DISC1: variants seen among roughly 807,000 people sequenced by gnomAD.
DISC1 encodes disrupted in schizophrenia 1 protein.
DISC1 carries 57 observed loss-of-function variants against 84.5 expected under a neutral mutation model. The observed-to-expected ratio is 0.67, with a 90% CI of 0.55 to 0.84. The LOEUF (loss-of-function observed/expected upper bound fraction) is 0.84, where lower values mean the gene tolerates loss of function less well. Among genes scored for constraint, DISC1 ranks in the 40% least tolerant of loss-of-function variants. DISC1 has a pLI of 0.00. For synonymous variants in DISC1, 411 were observed against 415.2 expected, an observed-to-expected ratio of 0.99 and a Z score of 0.12; for missense variants, 1,000 against 1,057.8, an observed-to-expected ratio of 0.95 and a Z score of 0.76.
chr1:231,948,853 C>T (rs895193369), intron 9 of DISC1, among the ~76,000 whole-genome samples: 1 of 148,682 alleles, frequency 6.7e-6, no homozygotes, highest in African/African-American at 2.5e-5. Context: ...TGTATTTTTC[C>T]TGTGTTAATT....
intron 1 of DISC1, among the ~76,000 whole-genome samples, chr1:231,643,069 G>A (rs2059855917): frequency 6.6e-6 from 1 of 152,158 alleles, no homozygotes; most frequent in African/African-American, 2.4e-5. Flanking sequence ...TTCCACCAAG[G>A]GAGAGCTTCT....
At chr1:231,989,357 G>T (rs1664878507) in intron 10 of DISC1, among the ~76,000 whole-genome samples, 1 of 152,176 alleles carries the variant, frequency 6.6e-6, no homozygotes, top group Non-Finnish European at 1.5e-5. Context: ...TTTGGTGATG[G>T]CATAAAGATA....
chr1:231,959,367 T>A lies in DISC1; in HGVS notation c.2042+479T>A, dbSNP rs1015046229. 3 of 985,742 alleles carry A rather than the reference T, an allele frequency of 3.0e-6. No individual in the cohort carries two copies. The African/African-American group carries it at 5.2e-5, about 17-fold the overall frequency. The allele number at this position is 985,742 out of a possible 1,614,324, so 61.1% of individuals were successfully genotyped here. The stretch of plus-strand genomic sequence containing the variant: ...TTTTTAAAACCCAATTAGGAATTCA[T>A]CTTTGAGAAATGTCAGGGATGCTGC... On this transcript the variant is annotated intron_variant, in intron 10 of 12. Coordinates refer to ENST00000439617, the MANE Select transcript of DISC1 (RefSeq NM_018662.3).
chr1:231,892,196 C>T (rs201020220), intron 9 of DISC1, among the ~76,000 whole-genome samples: 41 of 152,222 alleles, frequency 2.7e-4, no homozygotes, highest in Admixed American at 9.8e-4. Context: ...AGGTGGAGGA[C>T]GTGGGTGTCA....
At chr1:231,964,272 C>T (rs1363644564) in intron 10 of DISC1, among the ~76,000 whole-genome samples, 1 of 152,142 alleles carries the variant, frequency 6.6e-6, no homozygotes, top group East Asian at 1.9e-4. Context: ...AATTTGTAAA[C>T]ATCCTAGGCT....
intron 6 of DISC1, among the ~76,000 whole-genome samples, chr1:231,780,097 G>A (rs950985180): frequency 6.6e-6 from 1 of 151,838 alleles, no homozygotes; most frequent in African/African-American, 2.4e-5. Context: ...TGGGCTGGGG[G>A]GAGGGGCGAG....
rs550477769 is a variant in DISC1 at position 231,957,525 on chromosome 1, C to T, written c.1982-1303C>T. ...CTGTCCACTGAGCTATCTCACATGC[C>T]TAGAACAGTGTGTGGCACATAAATA... On this transcript the variant is annotated intron_variant, in intron 9 of 12. Transcript: ENST00000439617. Among the ~76,000 whole-genome samples the T allele has an allele frequency of 6.6e-4, 101 of 152,270 alleles. 1 individual carries two copies. In the South Asian group the frequency reaches 7.3e-3, roughly 11 times the overall value.
chr1:231,872,955 G>T (rs1326676539), intron 9 of DISC1, among the ~76,000 whole-genome samples: 1 of 152,162 alleles, frequency 6.6e-6, no homozygotes, highest in Non-Finnish European at 1.5e-5. Context: ...ATAATCTCTG[G>T]TTGCATGTAG....
intron 9 of DISC1, among the ~76,000 whole-genome samples, chr1:231,841,334 A>G (rs965100662): frequency 6.6e-6 from 1 of 152,208 alleles, no homozygotes; most frequent in Non-Finnish European, 1.5e-5. Flanking sequence ...AAACCTACAT[A>G]CCTTCCAGGG....
chr1:231,708,015 T>C (rs770093411), intron 3 of DISC1, among the ~76,000 whole-genome samples: 1 of 152,212 alleles, frequency 6.6e-6, no homozygotes, highest in Non-Finnish European at 1.5e-5. Flanking sequence ...GTGGAACTAT[T>C]ACCTTTTTAT....
At chr1:231,728,827 T>C (rs2071113220) in intron 3 of DISC1, among the ~76,000 whole-genome samples, 1 of 12,036 alleles carries the variant, frequency 8.3e-5, no homozygotes, top group Admixed American at 6.9e-4. Context: ...TTCTCCTTAG[T>C]ATTTATAGAG....
At chr1:231,817,997 A>G (rs1258907169) in intron 8 of DISC1, among the ~76,000 whole-genome samples, 1 of 152,166 alleles carries the variant, frequency 6.6e-6, no homozygotes, top group Non-Finnish European at 1.5e-5. Flanking sequence ...TTTGTATATT[A>G]TTGGAATGGA....
intron 1 of DISC1, among the ~76,000 whole-genome samples, chr1:231,672,007 C>A (rs2062673489): frequency 6.6e-6 from 1 of 152,306 alleles, no homozygotes; most frequent in South Asian, 2.1e-4. Context: ...ACAGAGGTGT[C>A]ATTAACTGTC....
At chr1:231,868,692 TTATATATATATA>T (rs58636016) in intron 9 of DISC1, among the ~76,000 whole-genome samples, 12,998 of 108,498 alleles carry the variant, frequency 0.12, 1,044 homozygotes, top group East Asian at 0.34. Flanking sequence ...ACCCCATCTC[TTATATATATATA>T]TATATATATA....
Position 231,643,553 on chromosome 1 carries a change from T to C in DISC1, c.67+16619T>C, listed in dbSNP as rs979475199. ...AGAGAATTGACTGCGGTCAGATGTG[T>C]AGAGTTTCAAGTACATACAGTTTCT... On this transcript the variant is annotated intron_variant, in intron 1 of 12. Transcript: ENST00000439617. Among the ~76,000 whole-genome samples the C allele has an allele frequency of 2.2e-4, 33 of 152,274 alleles. 1 individual carries two copies. Among genetic ancestry groups the C allele is most frequent in the African/African-American group, 7.7e-4 (32 of 41,538 alleles).
intron 3 of DISC1, chr1:231,723,425 A>C: frequency 1.0e-6 from 1 of 985,718 alleles, no homozygotes; most frequent in Non-Finnish European, 1.2e-6. Flanking sequence ...CTGTGAGATC[A>C]GGTGCACTGG....
chr1:231,859,507 G>A (rs748312430), intron 9 of DISC1, among the ~76,000 whole-genome samples: 13 of 152,098 alleles, frequency 8.5e-5, no homozygotes, highest in Admixed American at 5.9e-4. Context: ...TTCCATTCAC[G>A]GAGATTCTAA....
At chr1:231,666,401 T>G (rs902116352) in intron 1 of DISC1, among the ~76,000 whole-genome samples, 2 of 151,910 alleles carry the variant, frequency 1.3e-5, no homozygotes, top group African/African-American at 4.8e-5. Flanking sequence ...GATGGAATTC[T>G]GAGAGAAATA....
At chr1:231,693,048 G>A (rs921584780) in intron 1 of DISC1, among the ~76,000 whole-genome samples, 1 of 152,210 alleles carries the variant, frequency 6.6e-6, no homozygotes, top group African/African-American at 2.4e-5. Flanking sequence ...TTATGAGAGA[G>A]CTACTGTTAA....
Sources: allele counts gnomAD v4.1 joint callset (sites outside exome capture counted in the v4.1 genomes callset), GRCh38; gene constraint gnomAD v4.1.1; transcripts MANE v1.5; gene names NCBI Gene and HGNC (gene_info 2026-07-23, HGNC 2026-07-21).